Variants in CACNB2 observed in about 807,000 individuals in gnomAD.
CACNB2 encodes the protein calcium voltage-gated channel auxiliary subunit beta 2.
In CACNB2, 42 loss-of-function variants were observed where a neutral mutation model predicts 73.3. The observed-to-expected ratio is 0.57, with a 90% CI of 0.45 to 0.74. The LOEUF (loss-of-function observed/expected upper bound fraction) is 0.74, where lower values mean the gene tolerates loss of function less well. Among genes scored for constraint, CACNB2 ranks in the 30% least tolerant of loss-of-function variants. CACNB2 has a pLI of 0.00. For synonymous variants in CACNB2, 348 were observed against 310.3 expected (o/e 1.12, Z -1.28); for missense variants, 940 against 853.0 (o/e 1.10, Z -1.27).
chr10:18,430,831 A>G (rs952605976), intron 3 of CACNB2, among the ~76,000 whole-genome samples: 8 of 152,334 alleles, frequency 5.3e-5, no homozygotes, highest in East Asian at 1.9e-4. Flanking sequence ...CTTGATTACT[A>G]TTTATTCACA....
intron 2 of CACNB2, among the ~76,000 whole-genome samples, chr10:18,282,563 G>T (rs2038600393): frequency 6.6e-6 from 1 of 152,184 alleles, no homozygotes; most frequent in Non-Finnish European, 1.5e-5. Flanking sequence ...TTGTTAGGAA[G>T]ACTTATTAAC....
At chr10:18,525,569 T>C (rs1398333580) in intron 9 of CACNB2, among the ~76,000 whole-genome samples, 1 of 152,118 alleles carries the variant, frequency 6.6e-6, no homozygotes, top group Non-Finnish European at 1.5e-5. Flanking sequence ...AGCTTATGGG[T>C]TTCTCTTTGT....
chr10:18,536,967 C>T (rs1204384286), intron 12 of CACNB2, among the ~76,000 whole-genome samples: 1 of 152,142 alleles, frequency 6.6e-6, no homozygotes, highest in Non-Finnish European at 1.5e-5. Context: ...ACATGCAATG[C>T]CTTGAGGTAT....
At chr10:18,363,148 T>G (rs11013849) in intron 2 of CACNB2, among the ~76,000 whole-genome samples, 17,629 of 152,174 alleles carry the variant, frequency 0.12, 1,129 homozygotes, top group Non-Finnish European at 0.13. Context: ...TTTCTTCCCA[T>G]GAACAGTAAA....
intron 2 of CACNB2, among the ~76,000 whole-genome samples, chr10:18,388,844 T>C (rs1368503414): frequency 6.6e-6 from 1 of 152,194 alleles, no homozygotes; most frequent in African/African-American, 2.4e-5. Flanking sequence ...ATAATTCCCA[T>C]AGCAACCTTT....
intron 2 of CACNB2, among the ~76,000 whole-genome samples, chr10:18,183,423 A>G (rs1426527915): frequency 6.6e-6 from 1 of 152,172 alleles, no homozygotes; most frequent in African/African-American, 2.4e-5. Flanking sequence ...CACTGCAAAT[A>G]AAGACATACT....
At chr10:18,318,570 A>G (rs1042611313) in intron 2 of CACNB2, among the ~76,000 whole-genome samples, 3 of 152,336 alleles carry the variant, frequency 2.0e-5, no homozygotes, top group African/African-American at 7.2e-5. Context: ...GAAAACACCA[A>G]AAGCAATTAG....
chr10:18,292,476 T>A (rs948203068), intron 2 of CACNB2, among the ~76,000 whole-genome samples: 1 of 152,064 alleles, frequency 6.6e-6, no homozygotes, highest in Non-Finnish European at 1.5e-5. Flanking sequence ...GCCAATATGG[T>A]AAAACCCCGT....
chr10:18,295,554 T>A (rs1382009866), intron 2 of CACNB2, among the ~76,000 whole-genome samples: 1 of 152,232 alleles, frequency 6.6e-6, no homozygotes, highest in Non-Finnish European at 1.5e-5. Flanking sequence ...AATGATTACT[T>A]GTATATGGTA....
chr10:18,490,122 C>T (rs1022555672), intron 3 of CACNB2, among the ~76,000 whole-genome samples: 1 of 152,164 alleles, frequency 6.6e-6, no homozygotes, highest in Non-Finnish European at 1.5e-5. Context: ...AAGCAATCCA[C>T]CTGCCTCTGA....
intron 2 of CACNB2, among the ~76,000 whole-genome samples, chr10:18,156,005 A>G (rs186850906): frequency 6.6e-6 from 1 of 152,016 alleles, no homozygotes; most frequent in African/African-American, 2.4e-5. Flanking sequence ...TTTGTAGTCA[A>G]TTTCTCATTA....
chr10:18,298,045 C>G (rs186398113), intron 2 of CACNB2, among the ~76,000 whole-genome samples: 1 of 152,116 alleles, frequency 6.6e-6, no homozygotes, highest in African/African-American at 2.4e-5. Context: ...AGAGATAACT[C>G]GAGACAGTGC....
At chr10:18,379,834 G>A (rs1431069641) in intron 2 of CACNB2, among the ~76,000 whole-genome samples, 3 of 152,068 alleles carry the variant, frequency 2.0e-5, no homozygotes, top group South Asian at 2.1e-4. Flanking sequence ...CTATAGGCAT[G>A]CACCACCTCG....
In CACNB2 at chr10:18,209,615, A is replaced by C. The variant is rs573415275; in HGVS notation, c.213+58640A>C. Among the ~76,000 whole-genome samples, 7 of 152,074 alleles carry C rather than the reference A, an allele frequency of 4.6e-5. No individual in the cohort carries two copies. The South Asian group carries it at 1.5e-3, about 32-fold the overall frequency. On this transcript the variant is annotated intron_variant, in intron 2 of 13. Transcript: ENST00000324631. ...AATATGTGTTGCTGGTTTGGGAAGA[A>C]TTGACTATATTAGCTATTGATTTTT...
chr10:18,247,115 G>A (rs545406047), intron 2 of CACNB2, among the ~76,000 whole-genome samples: 32 of 152,230 alleles, frequency 2.1e-4, no homozygotes, highest in Admixed American at 5.9e-4. Context: ...ACCTCGACAC[G>A]TGAGACCCGT....
At position 18,542,883 on chromosome 10, in the gene CACNB2, T is replaced by G. The variant is rs1214317721; in HGVS notation, c.*3159T>G. The G allele has an allele frequency of 2.4e-4, 3 of 12,496 alleles. No individual in the cohort carries two copies. In the East Asian group the frequency reaches 0.17, roughly 694 times the overall value. 0.8% of individuals were successfully genotyped at this position (12,496 alleles called of 1,614,324 possible). On this transcript the variant is annotated 3_prime_UTR_variant, in exon 14 of 14. Coordinates refer to ENST00000324631, the MANE Select transcript of CACNB2 (RefSeq NM_201596.3). ...AATGCTGGAAATGTATTTAATAGTT[T>G]TTTTTTTTTTTTTTTTTGGTCATAT... is the stretch of plus-strand genomic sequence containing the variant.
At chr10:18,241,719 A>G (rs2036658442) in intron 2 of CACNB2, among the ~76,000 whole-genome samples, 1 of 152,148 alleles carries the variant, frequency 6.6e-6, no homozygotes, top group Non-Finnish European at 1.5e-5. Context: ...CAACCTGGGC[A>G]ATTTAGATTA....
chr10:18,482,871 T>G (rs1365432681), intron 3 of CACNB2, among the ~76,000 whole-genome samples: 1 of 152,194 alleles, frequency 6.6e-6, no homozygotes, highest in East Asian at 1.9e-4. Flanking sequence ...AGTTTATTTG[T>G]AGATGTTCCA....
intron 2 of CACNB2, among the ~76,000 whole-genome samples, chr10:18,219,258 TG>T (rs2035633318): frequency 6.6e-6 from 1 of 152,210 alleles, no homozygotes; most frequent in Non-Finnish European, 1.5e-5. Flanking sequence ...GGTTATAACA[TG>T]TTCCTTTTTT....
Sources: gnomAD v4.1 joint callset for allele counts (sites outside exome capture counted in the v4.1 genomes callset) on GRCh38, gnomAD v4.1.1 for gene constraint, MANE v1.5 for transcripts, NCBI Gene and HGNC (gene_info 2026-07-23, HGNC 2026-07-21) for gene names.